The following CES1 variants were observed in gnomAD, a reference collection of about 807,000 sequenced individuals.
CES1 encodes carboxylesterase 1, also known as liver carboxylesterase 1.
A neutral mutation model predicts 53.0 loss-of-function variants in CES1; 50 were observed. The ratio of observed to expected loss-of-function variants is 0.94; its 90% CI spans 0.75 to 1.19. The LOEUF (loss-of-function observed/expected upper bound fraction) is 1.19, where lower values mean the gene tolerates loss of function less well. CES1 is among the 50% of genes most tolerant of loss of function. The pLI, the probability that CES1 is intolerant of heterozygous loss-of-function variation, is 0.00. For synonymous variants in CES1, 202 were observed against 210.1 expected (o/e 0.96, Z 0.33); for missense variants, 534 against 538.0 (o/e 0.99, Z 0.07).
At chr16:55,824,041 C>T (rs1173204187) in intron 3 of CES1, among the ~76,000 whole-genome samples, 3 of 152,272 alleles carry the variant, frequency 2.0e-5, no homozygotes, top group South Asian at 2.1e-4. Flanking sequence ...ACTATTCATG[C>T]ACTCAGCGTA....
intron 8 of CES1, among the ~76,000 whole-genome samples, chr16:55,813,662 A>G (rs1184204836): frequency 9.9e-5 from 15 of 152,150 alleles, no homozygotes; most frequent in Non-Finnish European, 4.4e-5. Context: ...CACCAAATGC[A>G]CGGCCAGCAG....
intron 8 of CES1, among the ~76,000 whole-genome samples, chr16:55,815,691 C>A (rs550806694): frequency 6.6e-6 from 1 of 151,848 alleles, no homozygotes; most frequent in South Asian, 2.1e-4. Context: ...TGCCACAGCC[C>A]TGTCTAAGCA....
chr16:55,813,186 G>C, intron 8 of CES1, 143 bp from the exon 9 acceptor site: 1 of 1,143,600 alleles, frequency 8.7e-7, no homozygotes, highest in South Asian at 1.3e-5. Context: ...TCCTAACTTA[G>C]GGGGGTAGGT....
At chr16:55,822,074 G>A (rs1166508958) in intron 4 of CES1, among the ~76,000 whole-genome samples, 9 of 152,382 alleles carry the variant, frequency 5.9e-5, no homozygotes, top group Admixed American at 5.9e-4. Context: ...GAAAAAGCAA[G>A]TGCAAAGGGC....
chr16:55,820,089 C>A, intron 6 of CES1: 1 of 602,070 alleles, frequency 1.7e-6, no homozygotes, highest in Admixed American at 2.9e-5. Context: ...ACAGATAGGG[C>A]ACTGTACTGG....
At chr16:55,810,776 G>C in intron 10 of CES1, 112 bp from the exon 11 acceptor site, 1 of 1,461,954 alleles carries the variant, frequency 6.8e-7, no homozygotes, top group Non-Finnish European at 9.6e-7. Flanking sequence ...GCAACTCCCC[G>C]CTAGGGTGGA....
chr16:55,821,608 T>A (rs2032202153), intron 4 of CES1, 87 bp from the exon 5 acceptor site: 1 of 1,429,498 alleles, frequency 7.0e-7, no homozygotes, highest in South Asian at 1.1e-5. Context: ...GGGTTCTCAG[T>A]GAACCCTTAA....
chr16:55,812,952 G>T lies in CES1; in HGVS notation c.1037C>A (p.Pro346His). ...CTGCTTGTTAATTCCGACCATGTAG[G>T]GGACAGTGTGGAAATTCCTTTCAGC... Reference protein sequence around the residue: ...LQAERNFHTVPYMVGINKQEF... With the variant: ...LQAERNFHTVHYMVGINKQEF... Residue 346 changes from proline (P) to histidine (H), a missense_variant, in exon 9 of 14, where the codon CCC (proline) becomes CAC (histidine). Physicochemically the swap from Pro to His is moderately conservative, Grantham distance 77 (BLOSUM62 -2). Around this residue, in one of 5 missense-constraint regions of CES1, gnomAD observed 269 missense variants for 206.6 expected, o/e 1.30. Coordinates refer to ENST00000360526, the MANE Select transcript of CES1 (RefSeq NM_001025195.2). 6 of 1,614,044 alleles carry T rather than the reference G, an allele frequency of 3.7e-6. No homozygotes were observed. The highest frequency in any genetic ancestry group is 5.1e-6 in the Non-Finnish European group (6 of 1,179,942).
chr16:55,817,178 T>C (rs1267570679), intron 7 of CES1, among the ~76,000 whole-genome samples: 5 of 152,142 alleles, frequency 3.3e-5, no homozygotes, highest in Non-Finnish European at 5.9e-5. Flanking sequence ...CCCCAAAACT[T>C]TTGCAGGAAT....
At chr16:55,818,712 C>A (rs1372273915) in intron 7 of CES1, among the ~76,000 whole-genome samples, 6 of 151,830 alleles carry the variant, frequency 4.0e-5, no homozygotes, top group Non-Finnish European at 8.8e-5. Flanking sequence ...GTTTTGCTAC[C>A]TCTAACACCC....
chr16:55,821,337 T>A lies in CES1; in HGVS notation c.693+31A>T, dbSNP rs757976699. 2.5e-6 allele frequency: 4 copies of A among 1,613,936 alleles called. No individual in the cohort carries two copies. The South Asian group carries it at 4.4e-5, about 18-fold the overall frequency. On this transcript the variant is annotated intron_variant, in intron 5 of 13. Transcript: ENST00000360526. The stretch of plus-strand genomic sequence containing the variant: ...GGTCTCATCAGCATCACATCAAGCG[T>A]GGGGTTGGGCCTGGTGACAGGAAAA...
intron 7 of CES1, among the ~76,000 whole-genome samples, chr16:55,817,184 G>A (rs1296192467): frequency 6.6e-6 from 1 of 152,188 alleles, no homozygotes; most frequent in Non-Finnish European, 1.5e-5. Flanking sequence ...AACTTTTGCA[G>A]GAATTGTTTA....
At chr16:55,818,650 A>T (rs1255363988) in intron 7 of CES1, among the ~76,000 whole-genome samples, 1 of 113,782 alleles carries the variant, frequency 8.8e-6, no homozygotes, top group African/African-American at 3.5e-5. Context: ...ATATGAATGT[A>T]TTTCTCTTTG....
At chr16:55,824,935 T>C (rs1384173625) in intron 3 of CES1, among the ~76,000 whole-genome samples, 1 of 152,180 alleles carries the variant, frequency 6.6e-6, no homozygotes, top group Non-Finnish European at 1.5e-5. Flanking sequence ...AGAGCCCTTG[T>C]TTCTCCCACA....
chr16:55,812,457 A>C (rs1205839219), intron 9 of CES1: 1 of 257,766 alleles, frequency 3.9e-6, no homozygotes, highest in African/African-American at 2.2e-5. Context: ...ACTCAAGAAG[A>C]AGCCACTTTC....
intron 1 of CES1, among the ~76,000 whole-genome samples, chr16:55,832,004 C>T (rs28449360): frequency 0.011 from 1,684 of 149,096 alleles, 9 homozygotes; most frequent in African/African-American, 0.04. Context: ...AAACTCCCTC[C>T]CAGGGTCCAG....
At chr16:55,813,858 A>G (rs1264812422) in intron 8 of CES1, among the ~76,000 whole-genome samples, 1 of 152,250 alleles carries the variant, frequency 6.6e-6, no homozygotes, top group East Asian at 1.9e-4. Context: ...CGCGAAGAGG[A>G]CACTTGTAAA....
At position 55,828,789 on chromosome 16, in the gene CES1, T is replaced by C. The variant is rs773058212; in HGVS notation, c.238A>G (p.Asn80Asp). The change falls in exon 2 of 14, where the codon AAT becomes GAT. Residue 80 changes from asparagine (N) to aspartate (D), a missense_variant. Around this residue, in one of 5 missense-constraint regions of CES1, gnomAD observed 164 missense variants for 162.4 expected, o/e 1.01. Transcript: ENST00000360526. ...QPAEPWSFVK[N>D]ATSYPPMCTQ... Reference sequence around the variant, plus strand: ...TACATAGGAGGGTACGAGGTGGCATTCTTCACAAAGCTCCATGGTTCTGCA... The same window carrying C: ...TACATAGGAGGGTACGAGGTGGCATCCTTCACAAAGCTCCATGGTTCTGCA... The C allele has an allele frequency of 1.5e-5, 24 of 1,614,284 alleles. No individual in the cohort carries two copies. In the East Asian group the frequency reaches 4.9e-4, roughly 33 times the overall value.
Position 55,828,837 on chromosome 16 carries a change from G to T in CES1, c.190C>A (p.Leu64Met), listed in dbSNP as rs1319761203. ...IPFAKPPLGP[L>M]RFTPPQPAEP... ...GCAGGCTGCGGTGGAGTAAACCTCAGGGGTCCAAGAGGCGGCTTGGCAAAA... is the reference window on the plus strand; with the variant it reads ...GCAGGCTGCGGTGGAGTAAACCTCATGGGTCCAAGAGGCGGCTTGGCAAAA... The change falls in exon 2 of 14, where the codon CTG (leucine) becomes ATG (methionine). Residue 64 changes from leucine (L) to methionine (M), a missense_variant. Around this residue, in one of 5 missense-constraint regions of CES1, gnomAD observed 164 missense variants for 162.4 expected, o/e 1.01. Coordinates refer to ENST00000360526, the MANE Select transcript of CES1 (RefSeq NM_001025195.2). 1 of 1,614,186 alleles carries T rather than the reference G, an allele frequency of 6.2e-7. No individual in the cohort carries two copies. Among genetic ancestry groups the T allele is most frequent in the African/African-American group, 1.3e-5 (1 of 74,964 alleles).
Sources: allele counts gnomAD v4.1 joint callset (sites outside exome capture counted in the v4.1 genomes callset), GRCh38; gene constraint gnomAD v4.1.1; regional missense constraint gnomAD v4.1.1; transcripts MANE v1.5; gene names NCBI Gene and HGNC (gene_info 2026-07-23, HGNC 2026-07-21).